SLC8A1: variants seen among roughly 807,000 people sequenced by gnomAD.
The protein encoded by SLC8A1 is sodium/calcium exchanger 1.
In SLC8A1, 18 loss-of-function variants were observed where a neutral mutation model predicts 68.3. The ratio of observed to expected loss-of-function variants is 0.26; its 90% CI spans 0.18 to 0.39. The LOEUF (loss-of-function observed/expected upper bound fraction) is 0.39, where lower values mean the gene tolerates loss of function less well. Among genes scored for constraint, SLC8A1 ranks in the 10% least tolerant of loss-of-function variants. The probability of loss-of-function intolerance (pLI) is 1.00; values close to 1 mark genes in which losing one functional copy is unlikely to be tolerated. For missense variants in SLC8A1, 985 were observed against 1,156.7 expected, an observed-to-expected ratio of 0.85 and a Z score of 2.15; for synonymous variants, 475 against 415.5, an observed-to-expected ratio of 1.14 and a Z score of -1.74.
exon 8 of SLC8A1, chr2:40,098,851 T>C (rs1034911875): frequency 6.6e-6 from 1 of 152,010 alleles, no homozygotes; most frequent in South Asian, 2.1e-4. Context: ...ACATTCATAA[T>C]AAAAGAAGAT....
intron 2 of SLC8A1, among the ~76,000 whole-genome samples, chr2:40,294,880 C>T (rs948345518): frequency 6.6e-6 from 1 of 152,060 alleles, no homozygotes; most frequent in Admixed American, 6.6e-5. Context: ...GGTCTATAGT[C>T]ACATGTACGT....
chr2:40,269,800 TTTA>T (rs1220050849), intron 2 of SLC8A1, among the ~76,000 whole-genome samples: 1 of 152,016 alleles, frequency 6.6e-6, no homozygotes, highest in Non-Finnish European at 1.5e-5. Context: ...TTTTTTCTAT[TTTA>T]TTATTATTAT....
chr2:40,329,831 C>T (rs542858340), intron 2 of SLC8A1, among the ~76,000 whole-genome samples: 27 of 152,106 alleles, frequency 1.8e-4, no homozygotes, highest in Non-Finnish European at 2.8e-4. Flanking sequence ...TCCTGGCACG[C>T]TGTCACAGAT....
chr2:40,511,674 T>C (rs555972426), intron 1 of SLC8A1, among the ~76,000 whole-genome samples: 38 of 151,880 alleles, frequency 2.5e-4, no homozygotes, highest in Non-Finnish European at 4.6e-4. Flanking sequence ...AGTTCCAAAG[T>C]TTTCAGTCAG....
At chr2:40,268,468 T>C (rs1013810178) in intron 2 of SLC8A1, among the ~76,000 whole-genome samples, 8 of 152,226 alleles carry the variant, frequency 5.3e-5, no homozygotes, top group Admixed American at 5.2e-4. Context: ...GAAATCACCC[T>C]GTACCAAGCA....
intron 1 of SLC8A1, among the ~76,000 whole-genome samples, chr2:40,488,919 T>A (rs1421280030): frequency 6.6e-6 from 1 of 152,164 alleles, no homozygotes; most frequent in African/African-American, 2.4e-5. Context: ...TACATGAAAC[T>A]ACATACCTGG....
chr2:40,472,414 T>A (rs1445475610), intron 1 of SLC8A1, among the ~76,000 whole-genome samples: 1 of 152,178 alleles, frequency 6.6e-6, no homozygotes, highest in Non-Finnish European at 1.5e-5. Flanking sequence ...TATTAACATG[T>A]CTGAATTTTT....
chr2:40,350,995 C>G (rs995998367), intron 2 of SLC8A1, among the ~76,000 whole-genome samples: 4 of 152,096 alleles, frequency 2.6e-5, no homozygotes, highest in Admixed American at 2.0e-4. Context: ...GTCTAAACTT[C>G]ACATTCTCAT....
chr2:40,280,076 G>T (rs1300701027), intron 2 of SLC8A1, among the ~76,000 whole-genome samples: 1 of 151,960 alleles, frequency 6.6e-6, no homozygotes, highest in Non-Finnish European at 1.5e-5. Flanking sequence ...TAGTGAAAAT[G>T]AAAAGAACTT....
chr2:40,319,540 C>T (rs542562447), intron 2 of SLC8A1, among the ~76,000 whole-genome samples: 26 of 152,180 alleles, frequency 1.7e-4, no homozygotes, highest in African/African-American at 6.0e-4. Context: ...GTTCAAAACA[C>T]GTTTTCTGAA....
intron 2 of SLC8A1, among the ~76,000 whole-genome samples, chr2:40,369,414 A>G (rs374370089): frequency 6.6e-6 from 1 of 152,134 alleles, no homozygotes; most frequent in South Asian, 2.1e-4. Context: ...GGAAACAAGT[A>G]TCAGCACAGA....
intron 2 of SLC8A1, among the ~76,000 whole-genome samples, chr2:40,290,794 C>T (rs2069171882): frequency 6.6e-6 from 1 of 152,092 alleles, no homozygotes; most frequent in South Asian, 2.1e-4. Flanking sequence ...TTTGGAAGTC[C>T]TATATGCATA....
chr2:40,231,691 A>T (rs2059668497), intron 2 of SLC8A1, among the ~76,000 whole-genome samples: 1 of 152,090 alleles, frequency 6.6e-6, no homozygotes. Context: ...CTTTCACATA[A>T]ATCGCACTTG....
At chr2:40,285,227 T>C (rs142692800) in intron 2 of SLC8A1, among the ~76,000 whole-genome samples, 26 of 152,290 alleles carry the variant, frequency 1.7e-4, no homozygotes, top group African/African-American at 5.8e-4. Flanking sequence ...ATTTTTAACC[T>C]AGGGCTGATT....
intron 2 of SLC8A1, among the ~76,000 whole-genome samples, chr2:40,350,620 A>AAAAG (rs1559348315): frequency 1.6e-5 from 2 of 128,432 alleles, no homozygotes; most frequent in Non-Finnish European, 3.2e-5. Flanking sequence ...AAAAAAAAAA[A>AAAAG]GGCATTTCCA....
chr2:40,449,154 A>AAAAAAAC (rs532063141), intron 1 of SLC8A1, among the ~76,000 whole-genome samples: 7 of 146,342 alleles, frequency 4.8e-5, no homozygotes, highest in African/African-American at 1.7e-4. Flanking sequence ...ACATTAAAAA[A>AAAAAAAC]AAAAAACAAA....
chr2:40,177,898 ACACGCTCATGCTCTTGGTGTC>A, intron 2 of SLC8A1: 3 of 1,278,386 alleles, frequency 2.3e-6, no homozygotes, highest in Non-Finnish European at 3.3e-6. Context: ...GGTTGGAGTC[ACACGCTCATGCTCTTGGTGTC>A]CACCAAGCTG....
chr2:40,243,790 A>C (rs188804010), intron 2 of SLC8A1, among the ~76,000 whole-genome samples: 10 of 152,128 alleles, frequency 6.6e-5, no homozygotes, highest in African/African-American at 2.4e-4. Flanking sequence ...AGTTGAATCT[A>C]TTTTTTTTCC....
chr2:40,212,392 C>T (rs976297063), intron 2 of SLC8A1, among the ~76,000 whole-genome samples: 2 of 148,434 alleles, frequency 1.3e-5, no homozygotes, highest in African/African-American at 4.9e-5. Context: ...TCAAGCGATT[C>T]TCCTGCCTCA....
Sources: allele counts gnomAD v4.1 joint callset (sites outside exome capture counted in the v4.1 genomes callset), GRCh38; gene constraint gnomAD v4.1.1; transcripts MANE v1.5; gene names NCBI Gene and HGNC (gene_info 2026-07-23, HGNC 2026-07-21).